PSPC1: variants seen among roughly 807,000 people sequenced by gnomAD.
The protein encoded by PSPC1 is paraspeckle component 1.
A neutral mutation model predicts 51.6 loss-of-function variants in PSPC1; 14 were observed. That is an observed-to-expected ratio of 0.27 (90% confidence interval 0.18 to 0.42). The LOEUF is 0.42. PSPC1 is among the 10% of genes least tolerant of loss of function. PSPC1 has a pLI of 1.00. For synonymous variants in PSPC1, 193 were observed against 231.9 expected, an observed-to-expected ratio of 0.83 and a Z score of 1.53; for missense variants, 406 against 701.1, an observed-to-expected ratio of 0.58 and a Z score of 4.75.
At chr13:19,747,519 G>A (rs1886117399) in intron 4 of PSPC1, among the ~76,000 whole-genome samples, 1 of 152,124 alleles carries the variant, frequency 6.6e-6, no homozygotes, top group African/African-American at 2.4e-5. Flanking sequence ...TTTTGGTAGA[G>A]ACGGGGTCTC....
chr13:19,709,047 C>T (rs1179180465), intron 7 of PSPC1, among the ~76,000 whole-genome samples: 1 of 151,120 alleles, frequency 6.6e-6, no homozygotes, highest in African/African-American at 2.4e-5. Context: ...GCCTGTAGTC[C>T]CAGCTACTTG....
At chr13:19,761,359 T>C (rs918009901) in intron 2 of PSPC1, among the ~76,000 whole-genome samples, 1 of 152,098 alleles carries the variant, frequency 6.6e-6, no homozygotes, top group African/African-American at 2.4e-5. Flanking sequence ...GCAGAATGGA[T>C]GGCACACTGA....
At chr13:19,685,288 G>A (rs983789606) in intron 6 of PSPC1, among the ~76,000 whole-genome samples, 22 of 152,090 alleles carry the variant, frequency 1.4e-4, no homozygotes, top group African/African-American at 5.1e-4. Flanking sequence ...CAGAATTCCC[G>A]GCAGTCCCTT....
intron 5 of PSPC1, 29 bp downstream of exon 5, chr13:19,741,536 T>A (rs1317711582): frequency 6.2e-6 from 9 of 1,457,806 alleles, no homozygotes; most frequent in Non-Finnish European, 8.5e-6. Context: ...GACATACAAT[T>A]CATGTTTCTT....
chr13:19,700,699 A>G (rs1166366769), downstream of PSPC1, among the ~76,000 whole-genome samples: 1 of 152,098 alleles, frequency 6.6e-6, no homozygotes, highest in Admixed American at 6.6e-5. Flanking sequence ...AAGACTTTAA[A>G]CTCAGTACTT....
intron 5 of PSPC1, among the ~76,000 whole-genome samples, chr13:19,735,970 G>A (rs1032367707): frequency 2.6e-5 from 4 of 151,948 alleles, no homozygotes; most frequent in African/African-American, 9.7e-5. Context: ...ACAGGCGCCC[G>A]CCACCACGTC....
intron 6 of PSPC1, among the ~76,000 whole-genome samples, chr13:19,681,131 C>T (rs914857058): frequency 1.3e-5 from 2 of 152,146 alleles, no homozygotes; most frequent in African/African-American, 2.4e-5. Context: ...GGGAGAATCA[C>T]TTGAGCCCAG....
chr13:19,709,088 A>T (rs547604979), intron 7 of PSPC1, among the ~76,000 whole-genome samples: 1 of 146,228 alleles, frequency 6.8e-6, no homozygotes, highest in Non-Finnish European at 1.5e-5. Context: ...GAGCCCAGGA[A>T]GTCGAGGTTT....
chr13:19,701,663 G>A (rs998716134), downstream of PSPC1, among the ~76,000 whole-genome samples: 2 of 152,096 alleles, frequency 1.3e-5, no homozygotes, highest in African/African-American at 4.8e-5. Flanking sequence ...ACAACCAACT[G>A]CTTTTATGCA....
Position 19,702,691 on chromosome 13 carries a change from A to G in PSPC1, c.*484T>C, listed in dbSNP as rs1880066622. 6.3e-6 allele frequency: 1 copy of G among 158,834 alleles called. No homozygotes were observed. Among genetic ancestry groups the G allele is most frequent in the Non-Finnish European group, 1.4e-5 (1 of 71,604 alleles). 9.8% of individuals were successfully genotyped at this position (158,834 alleles called of 1,614,324 possible). On this transcript the variant is annotated 3_prime_UTR_variant, in exon 9 of 9. Coordinates refer to ENST00000338910, the MANE Select transcript of PSPC1 (RefSeq NM_001354909.2). ...CTCCCACCCCCACATATACTACTCTATCTACCCCTTATTGACATTAGCTTT... is the reference window on the plus strand; with the variant it reads ...CTCCCACCCCCACATATACTACTCTGTCTACCCCTTATTGACATTAGCTTT...
intron 5 of PSPC1, among the ~76,000 whole-genome samples, chr13:19,730,946 G>GAAAAAAAAAAA (rs1168386647): frequency 5.5e-4 from 14 of 25,238 alleles, no homozygotes; most frequent in South Asian, 2.7e-3. Context: ...CCCTGTCTCA[G>GAAAAAAAAAAA]AAAAAAAAAA....
intron 6 of PSPC1, among the ~76,000 whole-genome samples, chr13:19,683,343 C>T (rs1877496911): frequency 6.6e-6 from 1 of 152,138 alleles, no homozygotes; most frequent in Non-Finnish European, 1.5e-5. Context: ...ATGAGAACCA[C>T]GTACTGATAA....
intron 1 of PSPC1, among the ~76,000 whole-genome samples, chr13:19,776,430 C>T (rs538666471): frequency 2.0e-5 from 3 of 152,254 alleles, no homozygotes; most frequent in South Asian, 2.1e-4. Context: ...CATGCCACTG[C>T]ACTCTAGTCT....
At position 19,703,201 on chromosome 13, in the gene PSPC1, C is replaced by T; in HGVS notation, c.1546G>A (p.Gly516Ser). 1 of 1,614,132 alleles carries T rather than the reference C, an allele frequency of 6.2e-7. No homozygotes were observed. ...TAATATCTACGACGCTTATTAGGGC[C>T]TTCAAAGTTGCCCCCTTGACTTCCT... ...GRGSQGGNFE[G>S]PNKRRRY is the part of the protein sequence containing the mutation. The change falls in exon 9 of 9, where the codon GGC becomes AGC. Residue 516 changes from glycine to serine, a missense_variant. Around this residue, in one of 5 missense-constraint regions of PSPC1, gnomAD observed 34 missense variants for 158.6 expected, o/e 0.21. Transcript: ENST00000338910.
intron 6 of PSPC1, chr13:19,678,093 T>A: frequency 3.6e-6 from 1 of 281,148 alleles, no homozygotes; most frequent in South Asian, 3.3e-5. Context: ...TACCAAATAA[T>A]TTTCAGATCT....
intron 3 of PSPC1, among the ~76,000 whole-genome samples, chr13:19,756,469 C>T (rs1011708711): frequency 5.3e-5 from 8 of 152,044 alleles, no homozygotes; most frequent in Admixed American, 3.3e-4. Context: ...GGAGCGAGAA[C>T]TCAGAAGCCT....
intron 6 of PSPC1, among the ~76,000 whole-genome samples, chr13:19,688,401 TTA>T (rs1433634729): frequency 1.3e-5 from 2 of 152,154 alleles, no homozygotes; most frequent in African/African-American, 2.4e-5. Flanking sequence ...ATTCCAACAC[TTA>T]TTTTGTATTG....
intron 6 of PSPC1, among the ~76,000 whole-genome samples, chr13:19,688,426 T>A (rs548045646): frequency 6.6e-6 from 1 of 152,352 alleles, no homozygotes; most frequent in Admixed American, 6.5e-5. Context: ...TATTCTTGAA[T>A]TTTTCCTTCC....
chr13:19,744,781 T>C (rs1021658833), intron 4 of PSPC1, among the ~76,000 whole-genome samples: 3 of 152,114 alleles, frequency 2.0e-5, no homozygotes, highest in African/African-American at 4.8e-5. Context: ...GCCAGGCTGG[T>C]CTTGAACTCG....
Sources: allele counts gnomAD v4.1 joint callset (sites outside exome capture counted in the v4.1 genomes callset), GRCh38; gene constraint gnomAD v4.1.1; regional missense constraint gnomAD v4.1.1; transcripts MANE v1.5; gene names NCBI Gene and HGNC (gene_info 2026-07-23, HGNC 2026-07-21).